The following TFDP2 variants were observed in gnomAD, a reference collection of about 807,000 sequenced individuals.
The protein encoded by TFDP2 is transcription factor Dp-2.
TFDP2 carries 17 observed loss-of-function variants against 59.3 expected under a neutral mutation model. The ratio of observed to expected loss-of-function variants is 0.29; its 90% CI spans 0.20 to 0.43. The LOEUF (loss-of-function observed/expected upper bound fraction) is 0.43, where lower values mean the gene tolerates loss of function less well. Ranked by LOEUF, TFDP2 falls within the 20% of genes least tolerant of loss-of-function variation. TFDP2 has a pLI of 1.00. For missense variants in TFDP2, 391 were observed against 528.8 expected, an observed-to-expected ratio of 0.74 and a Z score of 2.56; for synonymous variants, 180 against 194.7, an observed-to-expected ratio of 0.92 and a Z score of 0.63.
At position 142,101,786 on chromosome 3, in the gene TFDP2, T is replaced by A; in HGVS notation, c.-37A>T. 1 of 1,257,830 alleles carries A rather than the reference T, an allele frequency of 8.0e-7. No homozygotes were observed. The highest frequency in any genetic ancestry group is 2.0e-5 in the South Asian group (1 of 48,886). 77.9% of individuals were successfully genotyped at this position (1,257,830 alleles called of 1,614,324 possible). A position where few individuals can be genotyped will look rare whatever the true frequency, so the allele number is the denominator to read the frequency against. The stretch of plus-strand genomic sequence containing the variant: ...TTCTATTTAAGATTCTGTAAAGCCA[T>A]TAAAAAAATAAAAAGAAAAAAACCT... On this transcript the variant is annotated 5_prime_UTR_variant, in exon 2 of 13. It removes an upstream start codon present in the reference 5' UTR. Coordinates refer to ENST00000489671, the MANE Select transcript of TFDP2 (RefSeq NM_001178139.2).
rs755796276 is a variant in TFDP2, at chr3:141,963,977, T to C, written c.733-14A>G. The C allele has an allele frequency of 1.2e-6, 2 of 1,610,924 alleles. No individual in the cohort carries two copies. Among genetic ancestry groups the C allele is most frequent in the South Asian group, 2.2e-5 (2 of 90,480 alleles). On this transcript the variant is annotated splice_polypyrimidine_tract_variant and intron_variant, in intron 9 of 12. Transcript: ENST00000489671. ...GAAAGCGATTTGCTGTAATGATCAATAAAAACAATATGGTCAATTGTGCAT... is the reference window on the plus strand; with the variant it reads ...GAAAGCGATTTGCTGTAATGATCAACAAAAACAATATGGTCAATTGTGCAT...
chr3:141,991,696 C>T (rs1942786570), intron 6 of TFDP2, among the ~76,000 whole-genome samples: 1 of 152,062 alleles, frequency 6.6e-6, no homozygotes, highest in Admixed American at 6.6e-5. Context: ...ATGCAGTGAG[C>T]CAAGATTGCG....
intron 7 of TFDP2, among the ~76,000 whole-genome samples, chr3:141,976,302 T>C (rs925887633): frequency 6.6e-6 from 1 of 152,124 alleles, no homozygotes; most frequent in Non-Finnish European, 1.5e-5. Flanking sequence ...ATAGATACTG[T>C]CTACAGGTGG....
intron 8 of TFDP2, among the ~76,000 whole-genome samples, chr3:141,973,030 T>C (rs777390223): frequency 2.7e-5 from 4 of 149,368 alleles, no homozygotes; most frequent in Non-Finnish European, 5.9e-5. Context: ...AATAACTGAA[T>C]TGCTGGGGAG....
chr3:142,119,368 T>C (rs1184412244), intron 1 of TFDP2, among the ~76,000 whole-genome samples: 8 of 152,164 alleles, frequency 5.3e-5, no homozygotes, highest in Non-Finnish European at 1.5e-5. Flanking sequence ...TAGACTAACA[T>C]TGTATTTCTC....
At chr3:142,043,996 A>T in intron 3 of TFDP2, 1 of 707,758 alleles carries the variant, frequency 1.4e-6, no homozygotes, top group Non-Finnish European at 2.6e-6. Context: ...CGGCGGGCCA[A>T]GGTCTTTTTC....
At chr3:142,061,889 TACACACA>T (rs1405282700) in intron 3 of TFDP2, among the ~76,000 whole-genome samples, 10,961 of 79,732 alleles carry the variant, frequency 0.14, 728 homozygotes, top group South Asian at 0.2. Flanking sequence ...TCTCTCTCTC[TACACACA>T]CACACACACA....
intron 9 of TFDP2, among the ~76,000 whole-genome samples, chr3:141,968,488 TC>T (rs1938673315): frequency 9.3e-6 from 1 of 108,064 alleles, no homozygotes; most frequent in Admixed American, 1.1e-4. Flanking sequence ...TATATATATC[TC>T]ATATATAGAT....
chr3:142,023,227 T>A (rs977172454), intron 3 of TFDP2, among the ~76,000 whole-genome samples: 1 of 151,634 alleles, frequency 6.6e-6, no homozygotes, highest in Non-Finnish European at 1.5e-5. Context: ...TTGTGTCACC[T>A]AGGCTGGAGT....
At chr3:142,018,705 A>G (rs1256056668) in intron 3 of TFDP2, among the ~76,000 whole-genome samples, 1 of 152,176 alleles carries the variant, frequency 6.6e-6, no homozygotes, top group East Asian at 1.9e-4. Flanking sequence ...TCGGCCTCCC[A>G]AAGTGGGACT....
intron 3 of TFDP2, among the ~76,000 whole-genome samples, chr3:142,009,550 A>G (rs1944478165): frequency 6.6e-6 from 1 of 152,012 alleles, no homozygotes; most frequent in Admixed American, 6.6e-5. Flanking sequence ...TGTCTCTACT[A>G]AAAATACAAA....
chr3:142,073,161 C>T (rs1303933233), intron 3 of TFDP2, among the ~76,000 whole-genome samples: 1 of 152,176 alleles, frequency 6.6e-6, no homozygotes, highest in African/African-American at 2.4e-5. Context: ...CCTCAAACTC[C>T]TGGGCTCAAG....
chr3:142,078,108 GAA>G (rs1225444671), intron 3 of TFDP2, among the ~76,000 whole-genome samples: 1 of 152,178 alleles, frequency 6.6e-6, no homozygotes, highest in Non-Finnish European at 1.5e-5. Context: ...AAAGGGGAGA[GAA>G]GAGTGAGAAG....
intron 8 of TFDP2, among the ~76,000 whole-genome samples, chr3:141,973,124 T>TA (rs1553761667): frequency 0.035 from 1,907 of 54,684 alleles, 16 homozygotes; most frequent in African/African-American, 0.06. Flanking sequence ...TATATATATA[T>TA]TTTTTTTTTT....
At chr3:141,960,873 G>GC (rs139036744) in intron 10 of TFDP2, among the ~76,000 whole-genome samples, 6,294 of 152,246 alleles carry the variant, frequency 0.041, 132 homozygotes, top group South Asian at 0.085. Flanking sequence ...GGGAAAGACT[G>GC]CATCACCAAA....
At chr3:142,055,263 T>A (rs957636514) in intron 3 of TFDP2, among the ~76,000 whole-genome samples, 1 of 152,132 alleles carries the variant, frequency 6.6e-6, no homozygotes, top group African/African-American at 2.4e-5. Context: ...CAGTAAGAGA[T>A]AAAACATAGG....
intron 1 of TFDP2, among the ~76,000 whole-genome samples, chr3:142,119,035 C>T (rs2061944563): frequency 6.6e-6 from 1 of 152,080 alleles, no homozygotes; most frequent in Non-Finnish European, 1.5e-5. Context: ...GTGGCAGGCG[C>T]CTGTAATCCC....
intron 6 of TFDP2, among the ~76,000 whole-genome samples, chr3:141,980,565 AAG>A (rs1941376564): frequency 1.3e-5 from 2 of 152,114 alleles, no homozygotes; most frequent in South Asian, 4.2e-4. Flanking sequence ...TGTTTTGAGA[AAG>A]AGTCTCACTC....
At chr3:141,969,618 A>G (rs1370566015) in intron 9 of TFDP2, among the ~76,000 whole-genome samples, 1 of 152,016 alleles carries the variant, frequency 6.6e-6, no homozygotes, top group Non-Finnish European at 1.5e-5. Flanking sequence ...CTCAAAAAAC[A>G]ACAACAACAA....
Sources: gnomAD v4.1 joint callset for allele counts (sites outside exome capture counted in the v4.1 genomes callset) on GRCh38, gnomAD v4.1.1 for gene constraint, MANE v1.5 for transcripts, NCBI Gene and HGNC (gene_info 2026-07-23, HGNC 2026-07-21) for gene names.